MSRA: variants seen among roughly 807,000 people sequenced by gnomAD.
MSRA encodes mitochondrial peptide methionine sulfoxide reductase.
A neutral mutation model predicts 31.3 loss-of-function variants in MSRA; 54 were observed. The observed-to-expected ratio is 1.73, with a 90% CI of 1.39 to 2.17. The LOEUF (loss-of-function observed/expected upper bound fraction) is 2.17. Among genes scored for constraint, MSRA ranks in the 30% most tolerant of loss-of-function variants. The pLI, the probability that MSRA is intolerant of heterozygous loss-of-function variation, is 0.00. For synonymous variants in MSRA, 169 were observed against 116.5 expected (o/e 1.45, Z -2.90); for missense variants, 507 against 300.9 (o/e 1.69, Z -5.07).
intron 1 of MSRA, among the ~76,000 whole-genome samples, chr8:10,142,362 T>G (rs1391083267): frequency 6.6e-6 from 1 of 152,226 alleles, no homozygotes; most frequent in Non-Finnish European, 1.5e-5. Context: ...CCCAGAGGAC[T>G]GTCTGGACTG....
chr8:10,416,015 G>A (rs1808437297), intron 5 of MSRA, among the ~76,000 whole-genome samples: 1 of 152,100 alleles, frequency 6.6e-6, no homozygotes, highest in African/African-American at 2.4e-5. Context: ...CTGACCCTCT[G>A]GGTGGGGGAC....
At chr8:10,229,444 T>A (rs1234795431) in intron 2 of MSRA, among the ~76,000 whole-genome samples, 1 of 152,126 alleles carries the variant, frequency 6.6e-6, no homozygotes, top group African/African-American at 2.4e-5. Context: ...ACGTTTCATC[T>A]GAGGACTGGG....
At chr8:10,143,865 G>A (rs535165473) in intron 1 of MSRA, among the ~76,000 whole-genome samples, 1 of 152,276 alleles carries the variant, frequency 6.6e-6, no homozygotes, top group South Asian at 2.1e-4. Flanking sequence ...TATTCTTGGA[G>A]CAGCCGACTT....
At chr8:10,386,770 G>A (rs746833022) in intron 5 of MSRA, among the ~76,000 whole-genome samples, 2 of 151,790 alleles carry the variant, frequency 1.3e-5, no homozygotes, top group Non-Finnish European at 2.9e-5. Flanking sequence ...TAAAAATGAG[G>A]GATGAATGCA....
chr8:10,402,592 A>G (rs895739587), intron 5 of MSRA, among the ~76,000 whole-genome samples: 2 of 152,180 alleles, frequency 1.3e-5, no homozygotes, highest in Non-Finnish European at 2.9e-5. Context: ...CGCATTTCCA[A>G]CAATGGCTGC....
intron 1 of MSRA, among the ~76,000 whole-genome samples, chr8:10,083,841 A>G (rs1183498313): frequency 6.6e-6 from 1 of 152,176 alleles, no homozygotes; most frequent in Non-Finnish European, 1.5e-5. Context: ...TGGAAATAGC[A>G]TTTAAATGTA....
In MSRA at chr8:10,138,485, C is replaced by G. The variant is rs568214035; in HGVS notation, c.143-69348C>G. 3.3e-5 allele frequency among the ~76,000 whole-genome samples: 5 copies of G among 152,276 alleles called. No individual in the cohort carries two copies. The South Asian group carries it at 1.0e-3, about 32-fold the overall frequency. On this transcript the variant is annotated intron_variant, in intron 1 of 5. Transcript: ENST00000317173. ...AGTTTTCAAAATACATTCTTTGTTCCTTTGCCAGGATAAGAAATAAGACGG... is the reference window on the plus strand; with the variant it reads ...AGTTTTCAAAATACATTCTTTGTTCGTTTGCCAGGATAAGAAATAAGACGG...
At chr8:10,223,424 C>T (rs1445118343) in intron 2 of MSRA, among the ~76,000 whole-genome samples, 1 of 152,212 alleles carries the variant, frequency 6.6e-6, no homozygotes, top group African/African-American at 2.4e-5. Context: ...TGAAGTACAT[C>T]AGCATTTGCG....
At chr8:10,070,668 C>G (rs1797689489) in intron 1 of MSRA, among the ~76,000 whole-genome samples, 1 of 152,172 alleles carries the variant, frequency 6.6e-6, no homozygotes, top group Admixed American at 6.5e-5. Flanking sequence ...CACCCCCTGC[C>G]CATGTGCAAC....
Position 10,160,325 on chromosome 8 carries a change from C to G in MSRA, c.143-47508C>G, listed in dbSNP as rs548912022. ...CCTGGCTAACACAGTTAAACTCCGT[C>G]TCTACTAAAAACACAAAAAATTAGC... On this transcript the variant is annotated intron_variant, in intron 1 of 5. Transcript: ENST00000317173. Among the ~76,000 whole-genome samples the G allele has an allele frequency of 5.8e-4, 88 of 152,120 alleles. 1 individual carries two copies. Among genetic ancestry groups the G allele is most frequent in the African/African-American group, 2.0e-3 (83 of 41,516 alleles).
intron 1 of MSRA, among the ~76,000 whole-genome samples, chr8:10,182,317 T>C (rs751587512): frequency 5.9e-5 from 9 of 152,330 alleles, no homozygotes; most frequent in Non-Finnish European, 1.0e-4. Context: ...GTGTATCAGT[T>C]ACCTCTTGCT....
intron 5 of MSRA, among the ~76,000 whole-genome samples, chr8:10,347,823 T>C (rs1803879449): frequency 6.6e-6 from 1 of 152,172 alleles, no homozygotes; most frequent in African/African-American, 2.4e-5. Context: ...TGGCAGTTCC[T>C]CCCCTCCTTT....
At chr8:10,371,947 G>T (rs1805501476) in intron 5 of MSRA, among the ~76,000 whole-genome samples, 1 of 152,188 alleles carries the variant, frequency 6.6e-6, no homozygotes, top group African/African-American at 2.4e-5. Flanking sequence ...ACATGAGAAA[G>T]TGTAGGGAAG....
At chr8:10,067,431 G>A (rs181032480) in intron 1 of MSRA, among the ~76,000 whole-genome samples, 1 of 152,248 alleles carries the variant, frequency 6.6e-6, no homozygotes, top group South Asian at 2.1e-4. Context: ...GAATAAATAT[G>A]TGCATCACTT....
chr8:10,071,074 C>G (rs12544315), intron 1 of MSRA, among the ~76,000 whole-genome samples: 16,533 of 152,198 alleles, frequency 0.11, 1,144 homozygotes, highest in East Asian at 0.26. Flanking sequence ...TCATAAGAAA[C>G]TGCCAAACTG....
intron 5 of MSRA, among the ~76,000 whole-genome samples, chr8:10,358,565 C>CTTTTTTTTTTTTTT (rs59106668): frequency 4.7e-5 from 3 of 64,004 alleles, no homozygotes; most frequent in Non-Finnish European, 7.9e-5. Context: ...GCATTAGATT[C>CTTTTTTTTTTTTTT]TTTTTTTTTT....
At chr8:10,258,227 C>T (rs935374807) in intron 3 of MSRA, among the ~76,000 whole-genome samples, 19 of 152,120 alleles carry the variant, frequency 1.2e-4, no homozygotes, top group Admixed American at 1.0e-3. Flanking sequence ...TGTCTAGAGT[C>T]GTTGTTTTGA....
chr8:10,255,992 C>T (rs1435843571), intron 3 of MSRA, among the ~76,000 whole-genome samples: 5 of 152,086 alleles, frequency 3.3e-5, no homozygotes, highest in Admixed American at 6.5e-5. Context: ...CACACTGACA[C>T]GTCCTCAGCA....
At chr8:10,208,119 C>T (rs1809161297) in intron 2 of MSRA, among the ~76,000 whole-genome samples, 1 of 152,084 alleles carries the variant, frequency 6.6e-6, no homozygotes, top group South Asian at 2.1e-4. Context: ...ACGTTGACAA[C>T]CACGTATCAA....
Sources: allele counts gnomAD v4.1 joint callset (sites outside exome capture counted in the v4.1 genomes callset), GRCh38; gene constraint gnomAD v4.1.1; transcripts MANE v1.5; gene names NCBI Gene and HGNC (gene_info 2026-07-23, HGNC 2026-07-21).